Variants in SEPTIN11 observed in about 807,000 individuals in gnomAD.
The protein encoded by SEPTIN11 is septin 11.
Under a neutral mutation model 51.4 loss-of-function variants are expected in SEPTIN11, and 25 were observed. That is an observed-to-expected ratio of 0.49 (90% CI 0.35 to 0.68). SEPTIN11 has a LOEUF of 0.68. Ranked by LOEUF, SEPTIN11 falls within the 30% of genes least tolerant of loss-of-function variation. The pLI, the probability that SEPTIN11 is intolerant of heterozygous loss-of-function variation, is 0.00. For missense variants in SEPTIN11, 381 were observed against 520.8 expected, an observed-to-expected ratio of 0.73 and a Z score of 2.61; for synonymous variants, 174 against 184.1, an observed-to-expected ratio of 0.95 and a Z score of 0.44.
Position 77,034,610 on chromosome 4 carries a change from A to G in SEPTIN11, c.*98A>G. On this transcript the variant is annotated 3_prime_UTR_variant, in exon 10 of 10. Coordinates refer to ENST00000264893, the MANE Select transcript of SEPTIN11 (RefSeq NM_018243.4). The stretch of plus-strand genomic sequence containing the variant: ...CTTTAGTTTTATTTTATTTTATTTT[A>G]TTTTTTTACCCTTCCTCAAACACCA... 7.3e-7 allele frequency: 1 copy of G among 1,366,096 alleles called. No individual in the cohort carries two copies. Among genetic ancestry groups the G allele is most frequent in the African/African-American group, 1.6e-5 (1 of 60,754 alleles). 84.6% of individuals were successfully genotyped at this position (1,366,096 alleles called of 1,614,324 possible).
chr4:76,990,704 A>G (rs1723331722), intron 1 of SEPTIN11, among the ~76,000 whole-genome samples: 1 of 152,242 alleles, frequency 6.6e-6, no homozygotes. Context: ...ATGGTCTTCC[A>G]CAAACTGGTC....
At position 77,005,654 on chromosome 4, in the gene SEPTIN11, T is replaced by C. The variant is rs1211531842; in HGVS notation, c.196T>C (p.Phe66Leu). ...AATGGACACTTTGTTCAACACCAAA[T>C]TTGAAAGTGACCCAGCTACTCACAA... ...TLMDTLFNTK[F>L]ESDPATHNEP... Residue 66 changes from phenylalanine (F) to leucine (L), a missense_variant, in exon 3 of 10, where the codon TTT (phenylalanine) becomes CTT (leucine). Physicochemically the swap from Phe to Leu is conservative, Grantham distance 22. Coordinates refer to ENST00000264893, the MANE Select transcript of SEPTIN11 (RefSeq NM_018243.4). 1 of 1,614,048 alleles carries C rather than the reference T, an allele frequency of 6.2e-7. No homozygotes were observed. The highest frequency in any genetic ancestry group is 8.5e-7 in the Non-Finnish European group (1 of 1,179,954).
At chr4:77,034,465 C>A in intron 9 of SEPTIN11, 32 bp from the exon 10 acceptor site, 11 of 1,496,988 alleles carry the variant, frequency 7.3e-6, no homozygotes, top group Non-Finnish European at 9.8e-6. Flanking sequence ...ATTATTATTT[C>A]TAACTTTTTT....
At chr4:76,998,756 T>C (rs1723912339) in intron 2 of SEPTIN11, among the ~76,000 whole-genome samples, 1 of 152,038 alleles carries the variant, frequency 6.6e-6, no homozygotes, top group Non-Finnish European at 1.5e-5. Flanking sequence ...GGCATTTTCC[T>C]CATGACAGCA....
Position 77,005,611 on chromosome 4 carries a change from C to A in SEPTIN11, c.153C>A (p.Gly51=). 6.2e-7 allele frequency: 1 copy of A among 1,613,270 alleles called. No individual in the cohort carries two copies. The highest frequency in any genetic ancestry group is 8.5e-7 in the Non-Finnish European group (1 of 1,179,524). ...TTTGTGGTTATGTAGGTGAGACAGG[C>A]ATTGGCAAATCCACGTTAATGGACA... ...CFNILCVGET[G]IGKSTLMDTL... Residue 51 remains glycine, a synonymous_variant, in exon 3 of 10, where the codon GGC becomes GGA. Transcript: ENST00000264893.
At position 76,964,986 on chromosome 4, in the gene SEPTIN11, C is replaced by T. The variant is rs553383925; in HGVS notation, c.27+15056C>T. On this transcript the variant is annotated intron_variant, in intron 1 of 9. Coordinates refer to ENST00000264893, the MANE Select transcript of SEPTIN11 (RefSeq NM_018243.4). Reference sequence around the variant, plus strand: ...CTGTCATTTACCACACTTGCCAGAACGACTGATTCACTGAGTTAAAACTTG... The same window carrying T: ...CTGTCATTTACCACACTTGCCAGAATGACTGATTCACTGAGTTAAAACTTG... 3.5e-3 allele frequency among the ~76,000 whole-genome samples: 533 copies of T among 152,198 alleles called. 2 individuals carry two copies. Among genetic ancestry groups the T allele is most frequent in the Non-Finnish European group, 6.2e-3 (422 of 68,020 alleles).
intron 1 of SEPTIN11, among the ~76,000 whole-genome samples, chr4:76,988,677 T>C (rs921105889): frequency 6.6e-6 from 1 of 152,212 alleles, no homozygotes; most frequent in Non-Finnish European, 1.5e-5. Flanking sequence ...CGCCCAGCCC[T>C]AGGTTTTGTT....
rs373903089 is a variant in SEPTIN11, at chr4:76,998,975, GGA to G, written c.142+2443_142+2444del. On this transcript the variant is annotated intron_variant, in intron 2 of 9. Transcript: ENST00000264893. ...AGGATCAGAAAGGAGATAGGGCTTG[GGA>G]GAGAGACACACTGGACAGATAAAAA... Among the ~76,000 whole-genome samples, 121 of 152,230 alleles carry G rather than the reference GGA, an allele frequency of 7.9e-4. 3 individuals are homozygous for G. The South Asian group carries it at 0.022, about 28-fold the overall frequency.
Position 77,036,829 on chromosome 4 carries a change from C to A in SEPTIN11, c.*2317C>A. The A allele has an allele frequency of 6.6e-7, 1 of 1,522,660 alleles. No homozygotes were observed. Among genetic ancestry groups the A allele is most frequent in the South Asian group, 1.2e-5 (1 of 81,052 alleles). The allele number at this position is 1,522,660 out of a possible 1,614,324, so 94.3% of individuals were successfully genotyped here. On this transcript the variant is annotated 3_prime_UTR_variant, in exon 10 of 10. Transcript: ENST00000264893. The stretch of plus-strand genomic sequence containing the variant: ...TCAAATCTAATTGGATGTGCTTTCG[C>A]CTTTGCATGTAAGTACGGTAGTAAG...
At chr4:76,950,056 G>T (rs1721257890) in intron 1 of SEPTIN11, 126 bp downstream of exon 1, 7 of 1,023,896 alleles carry the variant, frequency 6.8e-6, no homozygotes, top group Non-Finnish European at 9.2e-6. Context: ...GACGGCTGTG[G>T]GTGTGTGCAC....
intron 7 of SEPTIN11, among the ~76,000 whole-genome samples, chr4:77,022,833 T>C (rs1725813922): frequency 6.6e-6 from 1 of 151,960 alleles, no homozygotes; most frequent in South Asian, 2.1e-4. Context: ...TATGATGCTA[T>C]CCTTAGCTAT....
At chr4:76,979,148 T>C (rs1418971329) in intron 1 of SEPTIN11, among the ~76,000 whole-genome samples, 1 of 152,230 alleles carries the variant, frequency 6.6e-6, no homozygotes, top group East Asian at 1.9e-4. Context: ...GTAAGATGAA[T>C]AAGACAGGGT....
intron 1 of SEPTIN11, among the ~76,000 whole-genome samples, chr4:76,978,480 CTT>C (rs1397124224): frequency 6.6e-6 from 1 of 152,122 alleles, no homozygotes; most frequent in Admixed American, 6.5e-5. Context: ...CCAGAGGTAA[CTT>C]TTCTAGACTC....
In SEPTIN11 at chr4:77,037,442, T is replaced by G; in HGVS notation, c.*2930T>G. ...ATTGGATAGCTCAGAGGGCCCTTGA[T>G]TCTGGCAAGGCAAATAAAGCCAGAA... On this transcript the variant is annotated 3_prime_UTR_variant, in exon 10 of 10. Coordinates refer to ENST00000264893, the MANE Select transcript of SEPTIN11 (RefSeq NM_018243.4). 1 of 985,390 alleles carries G rather than the reference T, an allele frequency of 1.0e-6. No homozygotes were observed. Among genetic ancestry groups the G allele is most frequent in the South Asian group, 4.7e-5 (1 of 21,280 alleles). 61.0% of individuals were successfully genotyped at this position (985,390 alleles called of 1,614,324 possible). A position where few individuals can be genotyped will look rare whatever the true frequency, so the allele number is the denominator to read the frequency against.
At chr4:77,011,650 A>T in intron 3 of SEPTIN11, 85 bp from the exon 4 acceptor site, 1 of 1,312,444 alleles carries the variant, frequency 7.6e-7, no homozygotes, top group Non-Finnish European at 1.1e-6. Flanking sequence ...AGCCCTTAGG[A>T]GAGAAGAAGC....
intron 1 of SEPTIN11, among the ~76,000 whole-genome samples, chr4:76,970,264 C>T (rs555291659): frequency 1.2e-4 from 18 of 152,314 alleles, no homozygotes; most frequent in African/African-American, 4.3e-4. Context: ...TCTTAGGCTT[C>T]TCTAATCAGC....
chr4:76,995,108 G>A (rs896398728), intron 1 of SEPTIN11, among the ~76,000 whole-genome samples: 1 of 151,166 alleles, frequency 6.6e-6, no homozygotes, highest in South Asian at 2.1e-4. Flanking sequence ...AAATGGCTGG[G>A]TGTGGTGGCT....
At position 77,031,127 on chromosome 4, in the gene SEPTIN11, T is replaced by A. The variant is rs79041582; in HGVS notation, c.1274+157T>A. On this transcript the variant is annotated intron_variant, in intron 9 of 9. Coordinates refer to ENST00000264893, the MANE Select transcript of SEPTIN11 (RefSeq NM_018243.4). ...GTGCAGGGAAGATGATGAAGGTTTT[T>A]AAATTTTTTTAAAAGGTACACAAAG... The A allele has an allele frequency of 5.0e-3, 3,305 of 667,084 alleles. 82 individuals carry two copies. In the African/African-American group the frequency reaches 0.053, roughly 11 times the overall value. The allele number at this position is 667,084 out of a possible 1,614,324, so 41.3% of individuals were successfully genotyped here. A position where few individuals can be genotyped will look rare whatever the true frequency, so the allele number is the denominator to read the frequency against.
intron 1 of SEPTIN11, among the ~76,000 whole-genome samples, chr4:76,965,107 G>A (rs1440611554): frequency 6.6e-6 from 1 of 152,050 alleles, no homozygotes; most frequent in Non-Finnish European, 1.5e-5. Context: ...GCTTGGCATT[G>A]TAGATACTCT....
Sources: allele counts gnomAD v4.1 joint callset (sites outside exome capture counted in the v4.1 genomes callset), GRCh38; gene constraint gnomAD v4.1.1; transcripts MANE v1.5; gene names NCBI Gene and HGNC (gene_info 2026-07-23, HGNC 2026-07-21).